Variants in TRIM16 observed in about 807,000 individuals in gnomAD.
TRIM16 encodes tripartite motif containing 16.
A neutral mutation model predicts 50.4 loss-of-function variants in TRIM16; 33 were observed. The ratio of observed to expected loss-of-function variants is 0.65; its 90% CI spans 0.50 to 0.88. The LOEUF is 0.88. TRIM16 is among the 40% of genes least tolerant of loss of function. The pLI, the probability that TRIM16 is intolerant of heterozygous loss-of-function variation, is 0.00. For synonymous variants in TRIM16, 229 were observed against 270.7 expected (o/e 0.85, Z 1.51); for missense variants, 581 against 686.8 (o/e 0.85, Z 1.72).
chr17:15,638,622 G>A (rs563834174), intron 8 of TRIM16, among the ~76,000 whole-genome samples: 2 of 149,330 alleles, frequency 1.3e-5, no homozygotes, highest in African/African-American at 4.9e-5. Flanking sequence ...GGCCAGCTCT[G>A]AACATCAGGG....
Position 15,651,614 on chromosome 17 carries a change from G to T in TRIM16, c.-5C>A. On this transcript the variant is annotated 5_prime_UTR_variant, in exon 7 of 12. Transcript: ENST00000649191. ...CATTAGATCCAACTCAGCCATCTGG[G>T]AGGCTCTGCTCCTAGGCTGTCTTTC... 1 of 1,612,966 alleles carries T rather than the reference G, an allele frequency of 6.2e-7. No individual in the cohort carries two copies. The highest frequency in any genetic ancestry group is 1.1e-5 in the South Asian group (1 of 91,004).
At chr17:15,648,055 C>A (rs532138185) in intron 7 of TRIM16, among the ~76,000 whole-genome samples, 96 of 151,964 alleles carry the variant, frequency 6.3e-4, no homozygotes, top group African/African-American at 2.3e-3. Context: ...GAAACCCCAT[C>A]TCTATTAAAT....
chr17:15,665,570 T>A (rs11871325), intron 6 of TRIM16, among the ~76,000 whole-genome samples: 2,596 of 152,256 alleles, frequency 0.017, 72 homozygotes, highest in African/African-American at 0.059. Flanking sequence ...GGAAACCAGA[T>A]AATGAATGGG....
chr17:15,671,178 T>C (rs1988715361), intron 6 of TRIM16, among the ~76,000 whole-genome samples: 1 of 152,198 alleles, frequency 6.6e-6, no homozygotes, highest in South Asian at 2.1e-4. Context: ...TTCACTGAAG[T>C]CGTGCTCTTA....
chr17:15,629,224 G>A lies in TRIM16; in HGVS notation c.1112-26C>T. On this transcript the variant is annotated intron_variant, in intron 11 of 11. Transcript: ENST00000649191. The stretch of plus-strand genomic sequence containing the variant: ...CTGAGGAGACACAGAAGGCAGGAGA[G>A]TGGTTCAGGAACTGACAGCTGATTC... The A allele has an allele frequency of 2.6e-6, 4 of 1,566,204 alleles. No individual in the cohort carries two copies. The East Asian group carries it at 9.0e-5, about 35-fold the overall frequency.
At chr17:15,659,086 G>A (rs922985813) in intron 6 of TRIM16, among the ~76,000 whole-genome samples, 2 of 151,924 alleles carry the variant, frequency 1.3e-5, no homozygotes, top group South Asian at 4.2e-4. Context: ...AAAGACAGGA[G>A]GACACACCAG....
intron 7 of TRIM16, among the ~76,000 whole-genome samples, chr17:15,648,278 G>A: frequency 6.7e-6 from 1 of 150,074 alleles, no homozygotes. Context: ...AAAACACAAA[G>A]GGGCCTGGAG....
In TRIM16 at chr17:15,634,448, G is replaced by A. The variant is rs1347432924; in HGVS notation, c.849+1588C>T. Among the ~76,000 whole-genome samples, 4 of 148,370 alleles carry A rather than the reference G, an allele frequency of 2.7e-5. 1 individual carries two copies. The highest frequency in any genetic ancestry group is 6.0e-5 in the Non-Finnish European group (4 of 66,974). ...AGTTCAAGACCAGCCTGACCAACACGGAGAAACCCCGTCTCTACTAAAAAT... is the reference window on the plus strand; with the variant it reads ...AGTTCAAGACCAGCCTGACCAACACAGAGAAACCCCGTCTCTACTAAAAAT... On this transcript the variant is annotated intron_variant, in intron 9 of 11. Transcript: ENST00000649191.
In TRIM16 at chr17:15,656,361, T is replaced by C. The variant is rs188170495; in HGVS notation, c.-337-4415A>G. On this transcript the variant is annotated intron_variant, in intron 6 of 11. Transcript: ENST00000649191. ...TGCTCCCACTGAGCCCTGGGGCATC[T>C]TGATACTCTGTCTCTCCTCGGATTC... Among the ~76,000 whole-genome samples the C allele has an allele frequency of 3.9e-3, 595 of 152,310 alleles. 2 individuals are homozygous for C. Among genetic ancestry groups the C allele is most frequent in the Middle Eastern group, 0.034 (10 of 294 alleles).
Position 15,677,565 on chromosome 17 carries a change from C to T in TRIM16, c.-443+10G>A, listed in dbSNP as rs1597676350. Reference sequence around the variant, plus strand: ...AAAGGTCAATCTGGGGTGGAAGGACCCAAGCTCACCCAAGGAGACCAGGTT... The same window carrying T: ...AAAGGTCAATCTGGGGTGGAAGGACTCAAGCTCACCCAAGGAGACCAGGTT... On this transcript the variant is annotated intron_variant, in intron 5 of 11. Transcript: ENST00000649191. The T allele has an allele frequency of 9.5e-6, 10 of 1,050,608 alleles. No individual in the cohort carries two copies. Among genetic ancestry groups the T allele is most frequent in the Non-Finnish European group, 1.0e-5 (9 of 862,278 alleles). The allele number at this position is 1,050,608 out of a possible 1,614,324, so 65.1% of individuals were successfully genotyped here.
chr17:15,642,650 G>A, intron 8 of TRIM16, 71 bp downstream of exon 8: 2 of 742,670 alleles, frequency 2.7e-6, no homozygotes, highest in Non-Finnish European at 2.2e-6. Context: ...GGAACCTACA[G>A]GAATGGAGGC....
intron 9 of TRIM16, among the ~76,000 whole-genome samples, chr17:15,635,142 AT>A (rs1284811870): frequency 6.8e-6 from 1 of 146,408 alleles, no homozygotes; most frequent in Non-Finnish European, 1.5e-5. Flanking sequence ...CTAGCAGAGA[AT>A]TTTTTCAAAA....
At chr17:15,657,999 C>G (rs1258892713) in intron 6 of TRIM16, among the ~76,000 whole-genome samples, 1 of 152,188 alleles carries the variant, frequency 6.6e-6, no homozygotes, top group Non-Finnish European at 1.5e-5. Flanking sequence ...AACCTACCAC[C>G]AGGAATGTGA....
intron 6 of TRIM16, chr17:15,658,761 A>G: frequency 1.0e-6 from 1 of 976,154 alleles, no homozygotes; most frequent in Non-Finnish European, 1.2e-6. Context: ...TGGAAGTCGC[A>G]TCACTCCTCT....
In TRIM16 at chr17:15,662,605, T is replaced by C. The variant is rs555454444; in HGVS notation, c.-337-10659A>G. Among the ~76,000 whole-genome samples, 3 of 152,344 alleles carry C rather than the reference T, an allele frequency of 2.0e-5. No individual in the cohort carries two copies. In the East Asian group the frequency reaches 5.8e-4, roughly 29 times the overall value. On this transcript the variant is annotated intron_variant, in intron 6 of 11. Transcript: ENST00000649191. ...AGCACAAAGCTATTATTTTCATTCA[T>C]GTGTTGTCTCGAGCTTGAGAGCAGA...
Position 15,683,153 on chromosome 17 carries a change from A to G in TRIM16, c.-894T>C, listed in dbSNP as rs1029797935. On this transcript the variant is annotated 5_prime_UTR_variant, in exon 2 of 12. Transcript: ENST00000649191. Reference sequence around the variant, plus strand: ...TCCTGGAAATTGCCAGCATTCTACCAGAAACTGTGGTAAGAGGTTCTGGAT... The same window carrying G: ...TCCTGGAAATTGCCAGCATTCTACCGGAAACTGTGGTAAGAGGTTCTGGAT... 59 of 1,547,216 alleles carry G rather than the reference A, an allele frequency of 3.8e-5. No individual in the cohort carries two copies. The Middle Eastern group carries it at 1.0e-3, about 26-fold the overall frequency.
chr17:15,678,655 T>C (rs1377322660), intron 4 of TRIM16, among the ~76,000 whole-genome samples: 6 of 152,252 alleles, frequency 3.9e-5, no homozygotes. Flanking sequence ...CACATGGCTA[T>C]GACAGCAAAC....
chr17:15,636,381 C>G, intron 8 of TRIM16, 112 bp from the exon 9 acceptor site: 1 of 1,094,530 alleles, frequency 9.1e-7, no homozygotes, highest in Non-Finnish European at 1.3e-6. Flanking sequence ...TATTAGGGAG[C>G]AGTTCCCTAT....
intron 7 of TRIM16, among the ~76,000 whole-genome samples, chr17:15,646,061 G>A (rs1292637011): frequency 2.0e-5 from 3 of 152,196 alleles, no homozygotes; most frequent in Non-Finnish European, 4.4e-5. Context: ...AGGGACAGAA[G>A]AATGTGTTGA....
Sources: allele counts gnomAD v4.1 joint callset (sites outside exome capture counted in the v4.1 genomes callset), GRCh38; gene constraint gnomAD v4.1.1; transcripts MANE v1.5; gene names NCBI Gene and HGNC (gene_info 2026-07-23, HGNC 2026-07-21).